Variants in ARHGAP29 observed in about 807,000 individuals in gnomAD.
The protein encoded by ARHGAP29 is rho GTPase-activating protein 29.
ARHGAP29 carries 43 observed loss-of-function variants against 122.6 expected under a neutral mutation model. The observed-to-expected ratio is 0.35, with a 90% CI of 0.27 to 0.45. ARHGAP29 has a LOEUF of 0.45. Ranked by LOEUF, ARHGAP29 falls within the 20% of genes least tolerant of loss-of-function variation. The pLI is 1.00. For synonymous variants in ARHGAP29, 506 were observed against 497.1 expected (o/e 1.02, Z -0.24); for missense variants, 1,303 against 1,477.2 (o/e 0.88, Z 1.93).
intron 18 of ARHGAP29, 124 bp downstream of exon 18, chr1:94,184,748 T>C (rs1649690583): frequency 5.1e-6 from 4 of 778,552 alleles, no homozygotes; most frequent in African/African-American, 3.6e-5. Flanking sequence ...AGTGAGACCG[T>C]GTCTCAGAAA....
At chr1:94,262,111 C>G (rs1557893669) in intron 1 of ARHGAP29, among the ~76,000 whole-genome samples, 2 of 152,096 alleles carry the variant, frequency 1.3e-5, no homozygotes, top group Non-Finnish European at 2.9e-5. Flanking sequence ...CACCTACAAC[C>G]ATCTGATCTT....
chr1:94,175,688 G>A (rs1424178383), intron 22 of ARHGAP29, among the ~76,000 whole-genome samples: 2 of 151,880 alleles, frequency 1.3e-5, no homozygotes, highest in African/African-American at 4.8e-5. Flanking sequence ...TGGGTTCCAA[G>A]GCTCTTTTAT....
chr1:94,309,020 C>T, the ARHGAP29 span, among the ~76,000 whole-genome samples: 1 of 152,224 alleles, frequency 6.6e-6, no homozygotes. Context: ...CCTCCTTCTC[C>T]TCCTCTGTCC....
intron 3 of ARHGAP29, 143 bp downstream of exon 3, chr1:94,220,115 A>G: frequency 5.4e-6 from 5 of 925,664 alleles, no homozygotes; most frequent in East Asian, 2.7e-5. Flanking sequence ...GAATATTTCA[A>G]TATCAAAGTA....
upstream of ARHGAP29, among the ~76,000 whole-genome samples, chr1:94,241,102 G>A (rs1257291464): frequency 6.6e-6 from 1 of 152,094 alleles, no homozygotes; most frequent in Non-Finnish European, 1.5e-5. Flanking sequence ...GAATTATCCT[G>A]CCCAAAAGGT....
chr1:94,297,733 G>T, the ARHGAP29 span, among the ~76,000 whole-genome samples: 1 of 152,274 alleles, frequency 6.6e-6, no homozygotes, highest in African/African-American at 2.4e-5. Flanking sequence ...CAGGAACTTG[G>T]GGGTTCTTGT....
At chr1:94,223,036 T>C (rs537225611) in intron 2 of ARHGAP29, among the ~76,000 whole-genome samples, 14 of 151,962 alleles carry the variant, frequency 9.2e-5, no homozygotes, top group Admixed American at 5.9e-4. Flanking sequence ...CTCCGCCTCC[T>C]GGGTTCACGC....
intron 19 of ARHGAP29, among the ~76,000 whole-genome samples, chr1:94,181,257 G>A (rs999153016): frequency 6.6e-6 from 1 of 152,186 alleles, no homozygotes; most frequent in African/African-American, 2.4e-5. Context: ...TTCTGATTCT[G>A]CTGGAGCTAT....
At chr1:94,309,656 C>T in the ARHGAP29 span, among the ~76,000 whole-genome samples, 6 of 152,074 alleles carry the variant, frequency 3.9e-5, no homozygotes, top group Non-Finnish European at 5.9e-5. Flanking sequence ...GAGAATCACC[C>T]AGACTAGAGG....
chr1:94,184,489 T>C (rs1351546378), intron 18 of ARHGAP29, among the ~76,000 whole-genome samples: 3 of 152,286 alleles, frequency 2.0e-5, no homozygotes, highest in African/African-American at 7.2e-5. Flanking sequence ...AGACTGTTCA[T>C]TGGCCAGGTG....
chr1:94,309,174 C>T, the ARHGAP29 span, among the ~76,000 whole-genome samples: 2 of 152,240 alleles, frequency 1.3e-5, no homozygotes, highest in African/African-American at 4.8e-5. Flanking sequence ...ACATTTGTTT[C>T]ATACTTTCAA....
chr1:94,308,477 T>C, the ARHGAP29 span, among the ~76,000 whole-genome samples: 1 of 152,180 alleles, frequency 6.6e-6, no homozygotes, highest in Non-Finnish European at 1.5e-5. Flanking sequence ...CAGAAACACA[T>C]AGTGTCTAGA....
upstream of ARHGAP29, among the ~76,000 whole-genome samples, chr1:94,241,478 G>A (rs1371560471): frequency 1.3e-5 from 2 of 151,556 alleles, no homozygotes; most frequent in South Asian, 2.1e-4. Context: ...TTAGCCGGGC[G>A]TGGTGGCGTG....
chr1:94,260,297 C>T (rs765035983), intron 1 of ARHGAP29, among the ~76,000 whole-genome samples: 4 of 152,204 alleles, frequency 2.6e-5, no homozygotes, highest in African/African-American at 7.2e-5. Flanking sequence ...TTTCGTTTCT[C>T]TAAAGACAGA....
chr1:94,234,074 A>G (rs2101621360), intron 1 of ARHGAP29, among the ~76,000 whole-genome samples: 1 of 152,318 alleles, frequency 6.6e-6, no homozygotes, highest in South Asian at 2.1e-4. Context: ...ACTACCATCA[A>G]ACCAGAGTAG....
chr1:94,222,038 G>A (rs1652328281), intron 2 of ARHGAP29, among the ~76,000 whole-genome samples: 1 of 150,942 alleles, frequency 6.6e-6, no homozygotes, highest in Admixed American at 6.6e-5. Context: ...GCATGTCAAA[G>A]GTGCACAGGA....
intron 1 of ARHGAP29, among the ~76,000 whole-genome samples, chr1:94,261,020 G>A (rs7528831): frequency 0.23 from 35,420 of 152,008 alleles, 4,363 homozygotes; most frequent in East Asian, 0.46. Context: ...CATTAACTAA[G>A]GTAAATGTGT....
At chr1:94,222,439 T>C (rs1424508749) in intron 2 of ARHGAP29, among the ~76,000 whole-genome samples, 2 of 152,194 alleles carry the variant, frequency 1.3e-5, no homozygotes, top group Non-Finnish European at 2.9e-5. Context: ...ATCCTTGCTA[T>C]AAAGTGATGA....
At chr1:94,267,656 A>T (rs1166993581) in intron 1 of ARHGAP29, among the ~76,000 whole-genome samples, 1 of 152,220 alleles carries the variant, frequency 6.6e-6, no homozygotes, top group East Asian at 1.9e-4. Context: ...AAATAATGAA[A>T]TAGTGGGCTC....
Sources: allele counts gnomAD v4.1 joint callset (sites outside exome capture counted in the v4.1 genomes callset), GRCh38; gene constraint gnomAD v4.1.1; transcripts MANE v1.5; gene names NCBI Gene and HGNC (gene_info 2026-07-23, HGNC 2026-07-21).